ILRUN: variants seen among roughly 807,000 people sequenced by gnomAD.
ILRUN encodes inflammation and lipid regulator with UBA-like and NBR1-like domains.
In ILRUN, 3 loss-of-function variants were observed where a neutral mutation model predicts 33.8. The ratio of observed to expected loss-of-function variants is 0.09; its 90% confidence interval spans 0.04 to 0.23. The LOEUF is 0.23. Ranked by LOEUF, ILRUN falls within the 10% of genes least tolerant of loss-of-function variation. The pLI, the probability that ILRUN is intolerant of heterozygous loss-of-function variation, is 1.00. For missense variants in ILRUN, 210 were observed against 375.1 expected, an observed-to-expected ratio of 0.56 and a Z score of 3.64; for synonymous variants, 124 against 138.9, an observed-to-expected ratio of 0.89 and a Z score of 0.75.
At chr6:34,614,669 C>A (rs1761842313) in intron 3 of ILRUN, among the ~76,000 whole-genome samples, 1 of 151,532 alleles carries the variant, frequency 6.6e-6, no homozygotes, top group African/African-American at 2.4e-5. Context: ...TGAGAGTGGG[C>A]TAGCCTTGTG....
intron 3 of ILRUN, among the ~76,000 whole-genome samples, chr6:34,645,673 A>C (rs1291740858): frequency 2.0e-5 from 3 of 152,192 alleles, no homozygotes; most frequent in African/African-American, 7.2e-5. Context: ...TGCCCAGCAG[A>C]TATAAATTGT....
intron 1 of ILRUN, among the ~76,000 whole-genome samples, chr6:34,683,479 T>TATATACATATAC (rs1763438667): frequency 2.8e-5 from 3 of 106,298 alleles, no homozygotes; most frequent in African/African-American, 1.5e-4. Context: ...TATACACATA[T>TATATACATATAC]ATATATACAT....
rs138951660 is a variant in ILRUN at position 34,619,292 on chromosome 6, A to AAT, written c.512-12390_512-12389dup. ...CAAATGTTCATCAGTAGGTACACAG[A>AAT]ATATATATATATATAGAAGGATCTT... On this transcript the variant is annotated intron_variant, in intron 3 of 4. Transcript: ENST00000374023. Among the ~76,000 whole-genome samples the AAT allele has an allele frequency of 8.4e-3, 1,265 of 150,680 alleles. 9 individuals carry two copies. Among genetic ancestry groups the AAT allele is most frequent in the Middle Eastern group, 0.024 (7 of 286 alleles).
intron 4 of ILRUN, among the ~76,000 whole-genome samples, chr6:34,598,432 G>A (rs1390357821): frequency 1.3e-5 from 2 of 152,148 alleles, no homozygotes; most frequent in Non-Finnish European, 2.9e-5. Context: ...TTACACTTTT[G>A]AATTATACTT....
At chr6:34,682,122 C>T (rs1430574540) in intron 1 of ILRUN, among the ~76,000 whole-genome samples, 4 of 150,606 alleles carry the variant, frequency 2.7e-5, no homozygotes, top group Non-Finnish European at 5.9e-5. Flanking sequence ...ATCCGCCCGC[C>T]TGGCCTCCCA....
intron 3 of ILRUN, among the ~76,000 whole-genome samples, chr6:34,619,403 T>C (rs887872566): frequency 1.3e-5 from 2 of 152,052 alleles, no homozygotes; most frequent in African/African-American, 2.4e-5. Context: ...TCAGGCTGGA[T>C]GAAGTGCAGT....
intron 3 of ILRUN, among the ~76,000 whole-genome samples, chr6:34,620,524 C>A (rs1038881018): frequency 4.6e-5 from 7 of 152,140 alleles, no homozygotes; most frequent in Admixed American, 1.3e-4. Flanking sequence ...GATGTGTTAA[C>A]ATTTAATATT....
chr6:34,601,353 A>C (rs1049763349), intron 4 of ILRUN, among the ~76,000 whole-genome samples: 6 of 152,230 alleles, frequency 3.9e-5, no homozygotes, highest in African/African-American at 1.4e-4. Context: ...GCCAAGTTAC[A>C]CCGATTTTCC....
At chr6:34,633,991 A>G (rs1053681328) in intron 3 of ILRUN, among the ~76,000 whole-genome samples, 2 of 151,800 alleles carry the variant, frequency 1.3e-5, no homozygotes, top group Non-Finnish European at 2.9e-5. Flanking sequence ...CAAAGCTGGG[A>G]GCACATGCCT....
chr6:34,601,087 G>A (rs1258451534), intron 4 of ILRUN, among the ~76,000 whole-genome samples: 1 of 152,122 alleles, frequency 6.6e-6, no homozygotes, highest in Admixed American at 6.5e-5. Context: ...TGAGCCTATT[G>A]TCTCTGCGGA....
intron 3 of ILRUN, among the ~76,000 whole-genome samples, chr6:34,639,594 C>G (rs1229950211): frequency 6.6e-6 from 1 of 152,074 alleles, no homozygotes; most frequent in Non-Finnish European, 1.5e-5. Context: ...AACTGACACC[C>G]AACTACCTAA....
At chr6:34,622,526 G>A (rs112069682) in intron 3 of ILRUN, among the ~76,000 whole-genome samples, 1 of 150,416 alleles carries the variant, frequency 6.6e-6, no homozygotes, top group Non-Finnish European at 1.5e-5. Flanking sequence ...TCACACTTAT[G>A]ATGGCTACTA....
rs993582316 is a variant in ILRUN at position 34,592,720 on chromosome 6, G to A, written c.862-2120C>T. The stretch of plus-strand genomic sequence containing the variant: ...AACTTTTACACCAACCTAATAGAAC[G>A]TAAAGCAGCTTAAAACAAGCTGCCC... On this transcript the variant is annotated intron_variant, in intron 4 of 4. Transcript: ENST00000374023. The surrounding 1 kb of genome is among the most constrained non-coding windows in gnomAD (Gnocchi z 4.0). Among the ~76,000 whole-genome samples the A allele has an allele frequency of 4.6e-5, 7 of 152,070 alleles. No homozygotes were observed. Among genetic ancestry groups the A allele is most frequent in the East Asian group, 1.9e-4 (1 of 5,180 alleles).
chr6:34,696,252 C>G (rs1763770029), intron 1 of ILRUN, 194 bp downstream of exon 1: 9 of 572,712 alleles, frequency 1.6e-5, no homozygotes, highest in South Asian at 4.7e-5. Flanking sequence ...TGGTCCCTAA[C>G]TCTCCTTTAG....
chr6:34,672,929 A>G (rs1763146459), intron 1 of ILRUN, among the ~76,000 whole-genome samples: 1 of 152,012 alleles, frequency 6.6e-6, no homozygotes, highest in Non-Finnish European at 1.5e-5. Context: ...CATAACCGTC[A>G]AATTTCAGGG....
In ILRUN at chr6:34,605,896, C is replaced by G. The variant is rs575692961; in HGVS notation, c.861+659G>C. Reference sequence around the variant, plus strand: ...CACTTGAACCACCTACAACAATGAACTCCCAGCATCAGGGCTTTATTCAAC... The same window carrying G: ...CACTTGAACCACCTACAACAATGAAGTCCCAGCATCAGGGCTTTATTCAAC... On this transcript the variant is annotated intron_variant, in intron 4 of 4. Transcript: ENST00000374023. Among the ~76,000 whole-genome samples, 366 of 152,296 alleles carry G rather than the reference C, an allele frequency of 2.4e-3. 2 individuals are homozygous for G. The highest frequency in any genetic ancestry group is 8.4e-3 in the African/African-American group (349 of 41,558).
chr6:34,663,334 GAT>G (rs1399073639), intron 1 of ILRUN, among the ~76,000 whole-genome samples: 1 of 152,112 alleles, frequency 6.6e-6, no homozygotes, highest in African/African-American at 2.4e-5. Context: ...GAAGTGGAAA[GAT>G]CACTTGAGCC....
At chr6:34,684,289 C>T (rs963545223) in intron 1 of ILRUN, among the ~76,000 whole-genome samples, 8 of 152,138 alleles carry the variant, frequency 5.3e-5, no homozygotes, top group Admixed American at 4.6e-4. Flanking sequence ...TATTAGTTTG[C>T]AACCCCTGTT....
intron 3 of ILRUN, chr6:34,616,451 AGT>A: frequency 1.6e-6 from 1 of 620,232 alleles, no homozygotes; most frequent in Non-Finnish European, 2.8e-6. Flanking sequence ...GTCTAGCTTC[AGT>A]GAGAAAGGCT....
Sources: gnomAD v4.1 joint callset for allele counts (sites outside exome capture counted in the v4.1 genomes callset) on GRCh38, gnomAD v4.1.1 for gene constraint, Gnocchi (gnomAD v3.1) non-coding constraint, MANE v1.5 for transcripts, NCBI Gene and HGNC (gene_info 2026-07-23, HGNC 2026-07-21) for gene names.